DCN: variants seen among roughly 807,000 people sequenced by gnomAD.
DCN encodes the protein decorin.
In DCN, 17 loss-of-function variants were observed where a neutral mutation model predicts 36.5. The observed-to-expected ratio is 0.47, with a 90% CI of 0.32 to 0.70. The LOEUF (loss-of-function observed/expected upper bound fraction) is 0.70. DCN is among the 30% of genes least tolerant of loss of function. The pLI is 0.04. For synonymous variants in DCN, 163 were observed against 161.4 expected, an observed-to-expected ratio of 1.01 and a Z score of -0.07; for missense variants, 389 against 430.1, an observed-to-expected ratio of 0.90 and a Z score of 0.84.
chr12:91,177,393 G>C, intron 2 of DCN: 1 of 576,442 alleles, frequency 1.7e-6, no homozygotes, highest in Middle Eastern at 3.3e-4. Context: ...AGAAGTGCCT[G>C]ATCATAGTAT....
Position 91,151,636 on chromosome 12 carries a change from G to T in DCN, c.885+18C>A, listed in dbSNP as rs775285904. 3.7e-6 allele frequency: 6 copies of T among 1,613,784 alleles called. No homozygotes were observed. In the Admixed American group the frequency reaches 1.0e-4, roughly 27 times the overall value. On this transcript the variant is annotated intron_variant, in intron 7 of 7. Transcript: ENST00000052754. ...TGCTTTTTGGATATTCCTCACATAAGCAGTGGCTTTGCATTACCTGGATGT... is the reference window on the plus strand; with the variant it reads ...TGCTTTTTGGATATTCCTCACATAATCAGTGGCTTTGCATTACCTGGATGT...
At chr12:91,146,909 T>A (rs534013318) in intron 7 of DCN, among the ~76,000 whole-genome samples, 29 of 152,314 alleles carry the variant, frequency 1.9e-4, no homozygotes, top group African/African-American at 6.3e-4. Flanking sequence ...CCACCTCTAC[T>A]CCGACAACCT....
In DCN at chr12:91,178,404, A is replaced by G. The variant is rs983075026; in HGVS notation, c.149T>C (p.Leu50Pro). 5.6e-6 allele frequency: 9 copies of G among 1,613,904 alleles called. No individual in the cohort carries two copies. Among genetic ancestry groups the G allele is most frequent in the Non-Finnish European group, 7.6e-6 (9 of 1,179,982 alleles). ...ACAGCGGAAGGGGCACACTGGGCCT[A>G]GGGAGGGCTCGAAGTCGCGGTCATC... is the stretch of plus-strand genomic sequence containing the variant. ...VPDDRDFEPS[L>P]GPVCPFRCQC... The change falls in exon 2 of 8, where the codon CTA becomes CCA. Residue 50 changes from leucine (L) to proline (P), a missense_variant. Leu to Pro is a moderately conservative substitution (Grantham distance 98). Transcript: ENST00000052754.
At chr12:91,146,431 A>G (rs1355463992) in intron 7 of DCN, among the ~76,000 whole-genome samples, 179 bp from the exon 8 acceptor site, 3 of 133,174 alleles carry the variant, frequency 2.3e-5, no homozygotes, top group East Asian at 4.3e-4. Context: ...ACCTCAGTGC[A>G]TTGCAGCCTC....
intron 3 of DCN, among the ~76,000 whole-genome samples, chr12:91,162,076 G>A (rs1252572712): frequency 1.3e-5 from 2 of 152,112 alleles, no homozygotes; most frequent in East Asian, 1.9e-4. Context: ...GAGTAGCTGG[G>A]ACTACAGGAG....
At chr12:91,157,814 G>T (rs1843007133) in intron 4 of DCN, among the ~76,000 whole-genome samples, 1 of 152,066 alleles carries the variant, frequency 6.6e-6, no homozygotes, top group Non-Finnish European at 1.5e-5. Context: ...ATTTTTAGTA[G>T]AGATGGGGTT....
intron 3 of DCN, among the ~76,000 whole-genome samples, chr12:91,164,220 G>A (rs991354941): frequency 7.2e-5 from 11 of 151,742 alleles, no homozygotes; most frequent in Non-Finnish European, 1.5e-4. Flanking sequence ...CTGTGGTGGG[G>A]TCGGGGGAAG....
intron 5 of DCN, among the ~76,000 whole-genome samples, chr12:91,154,370 TCA>T (rs1641950518): frequency 6.6e-6 from 1 of 152,118 alleles, no homozygotes; most frequent in Non-Finnish European, 1.5e-5. Context: ...AAATTATTGG[TCA>T]CTAATCCCTT....
At chr12:91,172,867 T>C in intron 2 of DCN, 1 of 624,258 alleles carries the variant, frequency 1.6e-6, no homozygotes, top group Non-Finnish European at 2.8e-6. Flanking sequence ...AATACTTCTT[T>C]TCTAGTGAAA....
At chr12:91,159,093 G>A (rs974283529) in intron 3 of DCN, among the ~76,000 whole-genome samples, 3 of 152,010 alleles carry the variant, frequency 2.0e-5, no homozygotes, top group East Asian at 1.9e-4. Context: ...GTATATGTAC[G>A]TGTATATATC....
chr12:91,164,855 T>G (rs1882446307), intron 2 of DCN, 138 bp from the exon 3 acceptor site: 1 of 653,692 alleles, frequency 1.5e-6, no homozygotes, highest in Non-Finnish European at 2.8e-6. Flanking sequence ...CTTCTAAGAA[T>G]TACATTCATT....
At chr12:91,152,958 T>A (rs1881529620) in intron 6 of DCN, 138 bp downstream of exon 6, 3 of 646,596 alleles carry the variant, frequency 4.6e-6, no homozygotes, top group Middle Eastern at 3.4e-4. Flanking sequence ...TATGCTGAAG[T>A]TTGAGATTAT....
intron 6 of DCN, 79 bp from the exon 7 acceptor site, chr12:91,151,871 T>A (rs1881453283): frequency 2.6e-6 from 4 of 1,558,460 alleles, no homozygotes; most frequent in Non-Finnish European, 3.5e-6. Context: ...TAATCAAGTC[T>A]ATAGGAAAGG....
At chr12:91,153,500 C>T (rs1025478208) in intron 5 of DCN, among the ~76,000 whole-genome samples, 2 of 151,918 alleles carry the variant, frequency 1.3e-5, no homozygotes, top group Admixed American at 6.6e-5. Context: ...TCTCTTCCAC[C>T]TTTGTTAATG....
rs1381430670 is a variant in DCN at position 91,151,390 on chromosome 12, C to G, written c.885+264G>C. The G allele has an allele frequency of 7.0e-6, 3 of 426,890 alleles. No individual in the cohort carries two copies. In the East Asian group the frequency reaches 1.5e-4, roughly 21 times the overall value. 26.4% of individuals were successfully genotyped at this position (426,890 alleles called of 1,614,324 possible). The stretch of plus-strand genomic sequence containing the variant: ...CTCACTATGGCACCAACATCACCAC[C>G]CCTACTGAAAAAAATATCAGCATTA... On this transcript the variant is annotated intron_variant, in intron 7 of 7. Coordinates refer to ENST00000052754, the MANE Select transcript of DCN (RefSeq NM_001920.5).
Position 91,141,564 on chromosome 12 carries a change from A to C in DCN, c.*4494T>G, listed in dbSNP as rs1880756207. The stretch of plus-strand genomic sequence containing the variant: ...TGCTTCAGAGGGCAAGGCATTATGC[A>C]CTGCTGTGTCTCTGCCACTAGAACA... On this transcript the variant is annotated 3_prime_UTR_variant, in exon 8 of 8. Coordinates refer to ENST00000052754, the MANE Select transcript of DCN (RefSeq NM_001920.5). 1 of 152,178 alleles carries C rather than the reference A, an allele frequency of 6.6e-6. No individual in the cohort carries two copies. Among genetic ancestry groups the C allele is most frequent in the African/African-American group, 2.4e-5 (1 of 41,434 alleles). 9.4% of individuals were successfully genotyped at this position (152,178 alleles called of 1,614,324 possible).
intron 7 of DCN, among the ~76,000 whole-genome samples, chr12:91,147,862 GTT>G (rs1015710230): frequency 6.6e-6 from 1 of 151,688 alleles, no homozygotes; most frequent in Admixed American, 6.6e-5. Flanking sequence ...ATTAATCAGA[GTT>G]TTTTTTCTGA....
At position 91,145,816 on chromosome 12, in the gene DCN, T is replaced by C. The variant is rs1880973601; in HGVS notation, c.*242A>G. The C allele has an allele frequency of 3.9e-6, 2 of 516,114 alleles. No homozygotes were observed. The highest frequency in any genetic ancestry group is 2.2e-5 in the South Asian group (1 of 45,992). The allele number at this position is 516,114 out of a possible 1,614,324, so 32.0% of individuals were successfully genotyped here. On this transcript the variant is annotated 3_prime_UTR_variant, in exon 8 of 8. Transcript: ENST00000052754. ...TTTTACATTTAGTGAAATAAGAATA[T>C]CTCTAGTAGCTCAGTTAACATCAAC...
intron 2 of DCN, among the ~76,000 whole-genome samples, chr12:91,170,259 T>C (rs1036578086): frequency 1.3e-5 from 2 of 152,094 alleles, no homozygotes. Flanking sequence ...ATAGAGGGTG[T>C]TGCTCTCATT....
Sources: allele counts gnomAD v4.1 joint callset (sites outside exome capture counted in the v4.1 genomes callset), GRCh38; gene constraint gnomAD v4.1.1; transcripts MANE v1.5; gene names NCBI Gene and HGNC (gene_info 2026-07-23, HGNC 2026-07-21).